Variants in CELF4 observed in about 807,000 individuals in gnomAD.
CELF4 encodes CUGBP Elav-like family member 4.
In CELF4, 18 loss-of-function variants were observed where a neutral mutation model predicts 59.9. The ratio of observed to expected loss-of-function variants is 0.30; its 90% confidence interval spans 0.21 to 0.45. CELF4 has a LOEUF of 0.45. Among genes scored for constraint, CELF4 ranks in the 20% least tolerant of loss-of-function variants. The probability of loss-of-function intolerance (pLI) is 1.00; values close to 1 mark genes in which losing one functional copy is unlikely to be tolerated. For missense variants in CELF4, 456 were observed against 689.0 expected (o/e 0.66, Z 3.79); for synonymous variants, 261 against 267.1 (o/e 0.98, Z 0.22).
At chr18:37,251,755 C>T (rs573045903) in intron 12 of CELF4, among the ~76,000 whole-genome samples, 12 of 152,334 alleles carry the variant, frequency 7.9e-5, no homozygotes, top group Middle Eastern at 3.4e-3. Context: ...CAAGCTGCCT[C>T]CTGGTGTCTG....
chr18:37,511,931 G>A (rs1487397014), intron 1 of CELF4, among the ~76,000 whole-genome samples: 2 of 152,042 alleles, frequency 1.3e-5, no homozygotes, highest in East Asian at 1.9e-4. Flanking sequence ...CAGAGTCAGC[G>A]GCTGGGGCTG....
At chr18:37,329,953 T>C (rs2154530496) in intron 2 of CELF4, among the ~76,000 whole-genome samples, 1 of 152,322 alleles carries the variant, frequency 6.6e-6, no homozygotes, top group African/African-American at 2.4e-5. Flanking sequence ...ATCAGGTGTT[T>C]TAAGCATTGC....
chr18:37,472,993 G>A (rs990550909), intron 2 of CELF4, among the ~76,000 whole-genome samples: 10 of 151,880 alleles, frequency 6.6e-5, no homozygotes, highest in African/African-American at 1.5e-4. Context: ...ATCAACCCCC[G>A]AACCCTGCGA....
intron 1 of CELF4, among the ~76,000 whole-genome samples, chr18:37,521,991 C>T (rs1346538954): frequency 6.6e-6 from 1 of 152,184 alleles, no homozygotes; most frequent in Non-Finnish European, 1.5e-5. Context: ...CACTCAGCAC[C>T]CGGTGAGTTT....
intron 2 of CELF4, among the ~76,000 whole-genome samples, chr18:37,400,845 T>G (rs1292352324): frequency 6.6e-6 from 1 of 152,010 alleles, no homozygotes; most frequent in Non-Finnish European, 1.5e-5. Flanking sequence ...CAAATCCGAG[T>G]TTTCCACAGA....
At chr18:37,563,815 G>A (rs2099987297) in intron 1 of CELF4, among the ~76,000 whole-genome samples, 1 of 152,108 alleles carries the variant, frequency 6.6e-6, no homozygotes, top group Non-Finnish European at 1.5e-5. Flanking sequence ...TTACTCCTCA[G>A]CAGGCAAGCT....
At chr18:37,519,249 T>A (rs570838165) in intron 1 of CELF4, among the ~76,000 whole-genome samples, 2 of 152,242 alleles carry the variant, frequency 1.3e-5, no homozygotes, top group African/African-American at 4.8e-5. Flanking sequence ...GAAGAAGCTG[T>A]CCCTAGAGAG....
chr18:37,353,809 T>C (rs1473627495), intron 2 of CELF4, among the ~76,000 whole-genome samples: 1 of 139,812 alleles, frequency 7.2e-6, no homozygotes, highest in Non-Finnish European at 1.5e-5. Flanking sequence ...CAGGCTAGAG[T>C]GCAGTGGCGT....
At chr18:37,560,270 T>G (rs1231050291) in intron 1 of CELF4, among the ~76,000 whole-genome samples, 1 of 152,212 alleles carries the variant, frequency 6.6e-6, no homozygotes, top group Non-Finnish European at 1.5e-5. Context: ...GCATGTTAAT[T>G]TATCTCTGTG....
chr18:37,248,058 A>C (rs912507584), intron 12 of CELF4, among the ~76,000 whole-genome samples: 5 of 151,890 alleles, frequency 3.3e-5, no homozygotes, highest in African/African-American at 1.2e-4. Context: ...CCATAGTACC[A>C]CCCAGGCTGG....
chr18:37,546,595 G>A (rs1296893134), intron 1 of CELF4, among the ~76,000 whole-genome samples: 1 of 152,194 alleles, frequency 6.6e-6, no homozygotes, highest in Non-Finnish European at 1.5e-5. Flanking sequence ...TGCAGCCTGG[G>A]AGGAATGAAG....
At chr18:37,417,791 G>A (rs1292950632) in intron 2 of CELF4, among the ~76,000 whole-genome samples, 2 of 152,208 alleles carry the variant, frequency 1.3e-5, no homozygotes, top group African/African-American at 4.8e-5. Context: ...CAGATGTCCT[G>A]TAGCTGCTGT....
At chr18:37,371,597 A>T (rs1201881974) in intron 2 of CELF4, among the ~76,000 whole-genome samples, 5 of 152,216 alleles carry the variant, frequency 3.3e-5, no homozygotes, top group Non-Finnish European at 4.4e-5. Context: ...GAGCAATGCC[A>T]GGCTCCTAGT....
chr18:37,294,366 C>A (rs2095521290), intron 3 of CELF4, among the ~76,000 whole-genome samples: 1 of 152,176 alleles, frequency 6.6e-6, no homozygotes, highest in Admixed American at 6.5e-5. Flanking sequence ...TCACCAGGAA[C>A]CTCCCTTTCT....
At chr18:37,453,469 T>C (rs1014738404) in intron 2 of CELF4, among the ~76,000 whole-genome samples, 7 of 152,228 alleles carry the variant, frequency 4.6e-5, no homozygotes, top group Non-Finnish European at 8.8e-5. Context: ...TTGGGGGAAC[T>C]GGTCCCTGCC....
intron 2 of CELF4, among the ~76,000 whole-genome samples, chr18:37,373,651 G>T (rs569685252): frequency 1.3e-5 from 2 of 152,226 alleles, no homozygotes; most frequent in African/African-American, 4.8e-5. Context: ...TGCCCAGAGC[G>T]AGCCAGGTCT....
At chr18:37,310,145 T>C (rs2096592366) in intron 3 of CELF4, among the ~76,000 whole-genome samples, 1 of 152,058 alleles carries the variant, frequency 6.6e-6, no homozygotes, top group African/African-American at 2.4e-5. Flanking sequence ...TCACCAACTA[T>C]GTTTCTCCCG....
At chr18:37,393,899 A>C (rs1603634933) in intron 2 of CELF4, among the ~76,000 whole-genome samples, 1 of 141,846 alleles carries the variant, frequency 7.0e-6, no homozygotes, top group African/African-American at 2.7e-5. Context: ...AATAATTCCA[A>C]CTGCAAAGGC....
rs142389555 is a variant in CELF4, at chr18:37,273,128, G to A, written c.837C>T (p.Val279=). ...TGGGGTTCAGGTAGCCGCCCTGCGC[G>A]ACTGATGCCATCAGGGCCGCTTGCT... ...MQQQAALMAS[V]AQGGYLNPMA... Residue 279 remains valine, a synonymous_variant, in exon 7 of 13, where the codon GTC becomes GTT. Coordinates refer to ENST00000420428, the MANE Select transcript of CELF4 (RefSeq NM_020180.4). 8.1e-4 allele frequency: 1,310 copies of A among 1,613,236 alleles called. 3 individuals are homozygous for A. The highest frequency in any genetic ancestry group is 1.0e-3 in the Non-Finnish European group (1,228 of 1,179,626).
Sources: gnomAD v4.1 joint callset for allele counts (sites outside exome capture counted in the v4.1 genomes callset) on GRCh38, gnomAD v4.1.1 for gene constraint, MANE v1.5 for transcripts, NCBI Gene and HGNC (gene_info 2026-07-23, HGNC 2026-07-21) for gene names.